EPHA8: variants seen among roughly 807,000 people sequenced by gnomAD.
EPHA8 encodes ephrin type-A receptor 8.
Under a neutral mutation model 103.6 loss-of-function variants are expected in EPHA8, and 58 were observed. That is an observed-to-expected ratio of 0.56 (90% CI 0.45 to 0.70). The LOEUF (loss-of-function observed/expected upper bound fraction) is 0.70. Ranked by LOEUF, EPHA8 falls within the 30% of genes least tolerant of loss-of-function variation. The probability of loss-of-function intolerance (pLI) is 0.00; values close to 1 mark genes in which losing one functional copy is unlikely to be tolerated. For missense variants in EPHA8, 1,304 were observed against 1,395.2 expected (o/e 0.93, Z 1.04); for synonymous variants, 559 against 572.5 (o/e 0.98, Z 0.34).
At chr1:22,587,389 A>G (rs560219370) in intron 4 of EPHA8, among the ~76,000 whole-genome samples, 1 of 152,290 alleles carries the variant, frequency 6.6e-6, no homozygotes, top group East Asian at 1.9e-4. Context: ...TGAGCTCAGC[A>G]CGTGTGTGTG....
intron 3 of EPHA8, among the ~76,000 whole-genome samples, chr1:22,584,796 A>G (rs1230698773): frequency 6.6e-6 from 1 of 152,102 alleles, no homozygotes; most frequent in African/African-American, 2.4e-5. Context: ...GATCCATTCA[A>G]TTTGAAAACT....
chr1:22,600,170 AAGG>A (rs1294531689), intron 13 of EPHA8, among the ~76,000 whole-genome samples: 5 of 115,514 alleles, frequency 4.3e-5, no homozygotes, highest in African/African-American at 1.6e-4. Flanking sequence ...GGGAGGCAGG[AAGG>A]AAGGAAAGAA....
At chr1:22,599,331 G>A (rs764500408) in intron 13 of EPHA8, among the ~76,000 whole-genome samples, 14 of 152,140 alleles carry the variant, frequency 9.2e-5, no homozygotes, top group Non-Finnish European at 1.6e-4. Flanking sequence ...GAATCTCCCC[G>A]AATTGTACCC....
chr1:22,599,967 GGACAA>G (rs1167330761), intron 13 of EPHA8, among the ~76,000 whole-genome samples: 1 of 98,028 alleles, frequency 1.0e-5, no homozygotes, highest in African/African-American at 4.7e-5. Flanking sequence ...GAGGAAGGAA[GGACAA>G]GAAGGAAGGA....
At chr1:22,585,050 T>TGTGTGTGTGTGTGTGTGTGTGCGC (rs71020436) in intron 3 of EPHA8, among the ~76,000 whole-genome samples, 1 of 93,494 alleles carries the variant, frequency 1.1e-5, no homozygotes, top group African/African-American at 6.0e-5. Flanking sequence ...TGTGTGTGTG[T>TGTGTGTGTGTGTGTGTGTGTGCGC]GCGCACGCGT....
intron 7 of EPHA8, among the ~76,000 whole-genome samples, chr1:22,594,264 G>A (rs969119229): frequency 2.0e-5 from 3 of 152,188 alleles, no homozygotes; most frequent in Admixed American, 6.5e-5. Context: ...CACTGCACCC[G>A]GCCTCTGTCA....
In EPHA8 at chr1:22,596,176, G is replaced by T. The variant is rs759290524; in HGVS notation, c.1765+3G>T. ...GATGCACTATCAGAATGGACAGGGTGAGTGCAGGGGCCCGGTGGTCTGGGG... is the reference window on the plus strand; with the variant it reads ...GATGCACTATCAGAATGGACAGGGTTAGTGCAGGGGCCCGGTGGTCTGGGG... On this transcript the variant is annotated splice_donor_region_variant and intron_variant, in intron 9 of 16. Coordinates refer to ENST00000166244, the MANE Select transcript of EPHA8 (RefSeq NM_020526.5). 2.5e-6 allele frequency: 4 copies of T among 1,613,752 alleles called. No homozygotes were observed. Among genetic ancestry groups the T allele is most frequent in the Non-Finnish European group, 3.4e-6 (4 of 1,179,848 alleles).
chr1:22,600,299 G>A (rs1052211811), intron 13 of EPHA8, among the ~76,000 whole-genome samples: 2 of 148,720 alleles, frequency 1.3e-5, no homozygotes, highest in Non-Finnish European at 3.0e-5. Context: ...AAGGAAGGAA[G>A]GGAAGAGGAA....
chr1:22,595,777 C>T (rs1345888789), intron 8 of EPHA8, among the ~76,000 whole-genome samples: 2 of 152,216 alleles, frequency 1.3e-5, no homozygotes, highest in Admixed American at 1.3e-4. Context: ...ATGTAGTTGG[C>T]CACAGAAGCC....
At chr1:22,579,861 AC>A (rs1280771673) in intron 3 of EPHA8, among the ~76,000 whole-genome samples, 1 of 152,182 alleles carries the variant, frequency 6.6e-6, no homozygotes, top group Non-Finnish European at 1.5e-5. Flanking sequence ...CTTTGCTGCT[AC>A]TATACAGGCC....
chr1:22,599,175 G>T (rs1348791459), intron 13 of EPHA8, 128 bp downstream of exon 13: 1 of 954,594 alleles, frequency 1.0e-6, no homozygotes, highest in Non-Finnish European at 1.6e-6. Flanking sequence ...TCAACCTGGG[G>T]CACATCCTGT....
In EPHA8 at chr1:22,589,628, G is replaced by T. The variant is rs1047584056; in HGVS notation, c.1315+422G>T. 8.1e-7 allele frequency: 1 copy of T among 1,232,104 alleles called. No homozygotes were observed. Among genetic ancestry groups the T allele is most frequent in the African/African-American group, 1.5e-5 (1 of 64,622 alleles). The allele number at this position is 1,232,104 out of a possible 1,614,324, so 76.3% of individuals were successfully genotyped here. A position where few individuals can be genotyped will look rare whatever the true frequency, so the allele number is the denominator to read the frequency against. ...ATGTCATTAAAAAATAAAATCACTC[G>T]GATGATCATTTTCCAGAACAGCTGC... is the stretch of plus-strand genomic sequence containing the variant. On this transcript the variant is annotated intron_variant, in intron 5 of 16. Coordinates refer to ENST00000166244, the MANE Select transcript of EPHA8 (RefSeq NM_020526.5). The surrounding 1 kb of genome is among the most constrained non-coding windows in gnomAD (Gnocchi z 4.3).
rs539490735 is a variant in EPHA8, at chr1:22,600,190, A to G, written c.2389-471A>G. On this transcript the variant is annotated intron_variant, in intron 13 of 16. Coordinates refer to ENST00000166244, the MANE Select transcript of EPHA8 (RefSeq NM_020526.5). The stretch of plus-strand genomic sequence containing the variant: ...GCAGGAAGGAAGGAAAGAAGGAGGG[A>G]AGGAAAGGAGGGAGGGAGGAAGGTG... Among the ~76,000 whole-genome samples, 54 of 113,988 alleles carry G rather than the reference A, an allele frequency of 4.7e-4. No homozygotes were observed. In the East Asian group the frequency reaches 0.015, roughly 31 times the overall value. 74.8% of individuals were successfully genotyped at this position (113,988 alleles called of 152,430 possible).
chr1:22,568,419 G>A (rs1469049849), intron 1 of EPHA8, among the ~76,000 whole-genome samples: 3 of 152,226 alleles, frequency 2.0e-5, no homozygotes, highest in Non-Finnish European at 4.4e-5. Context: ...TCGGGCCCGA[G>A]CATCCAGGGA....
intron 3 of EPHA8, among the ~76,000 whole-genome samples, chr1:22,578,183 TGC>T (rs1416083902): frequency 2.5e-5 from 3 of 118,660 alleles, no homozygotes; most frequent in South Asian, 3.3e-4. Context: ...TGCATGTGTG[TGC>T]GTGCATGTGT....
rs1453663466 is a variant in EPHA8 at position 22,567,015 on chromosome 1, C to T, written c.95-2274C>T. Among the ~76,000 whole-genome samples, 2 of 152,312 alleles carry T rather than the reference C, an allele frequency of 1.3e-5. No homozygotes were observed. Among genetic ancestry groups the T allele is most frequent in the East Asian group, 3.9e-4 (2 of 5,182 alleles). ...GACTTATCTTTGGATTATCTGATCC[C>T]CCTGGCTGGTTGATCAAGAATCAGC... On this transcript the variant is annotated intron_variant, in intron 1 of 16. Transcript: ENST00000166244. This position sits in a 1 kb window ranked among gnomAD's most constrained non-coding sequence, Gnocchi z 4.2.
At chr1:22,570,889 C>T (rs1047738845) in intron 2 of EPHA8, among the ~76,000 whole-genome samples, 7 of 152,266 alleles carry the variant, frequency 4.6e-5, no homozygotes, top group Admixed American at 3.3e-4. Context: ...CTGTCTTCCC[C>T]GCGTGAGCGT....
Position 22,589,411 on chromosome 1 carries a change from A to G in EPHA8, c.1315+205A>G. 2.7e-6 allele frequency: 4 copies of G among 1,506,116 alleles called. No homozygotes were observed. The highest frequency in any genetic ancestry group is 2.6e-6 in the Non-Finnish European group (3 of 1,134,256). 93.3% of individuals were successfully genotyped at this position (1,506,116 alleles called of 1,614,324 possible). On this transcript the variant is annotated intron_variant, in intron 5 of 16. Coordinates refer to ENST00000166244, the MANE Select transcript of EPHA8 (RefSeq NM_020526.5). This position sits in a 1 kb window ranked among gnomAD's most constrained non-coding sequence, Gnocchi z 4.3. ...GGAACACATTCTATAAGTAAGAGAA[A>G]TCCCAAAAGCTCAGAGGCAGGCTAG...
At chr1:22,571,762 C>G (rs1640549502) in intron 2 of EPHA8, among the ~76,000 whole-genome samples, 1 of 152,142 alleles carries the variant, frequency 6.6e-6, no homozygotes, top group Admixed American at 6.5e-5. Context: ...AATTAGCTTT[C>G]CAGGGAGCCA....
Sources: allele counts gnomAD v4.1 joint callset (sites outside exome capture counted in the v4.1 genomes callset), GRCh38; gene constraint gnomAD v4.1.1; non-coding constraint Gnocchi (gnomAD v3.1); transcripts MANE v1.5; gene names NCBI Gene and HGNC (gene_info 2026-07-23, HGNC 2026-07-21).